The following NBPF26 variants were observed in gnomAD, a reference collection of about 807,000 sequenced individuals.
The protein encoded by NBPF26 is NBPF member 26, also known as NBPF family member NBPF26.
In NBPF26, 79 loss-of-function variants were observed where a neutral mutation model predicts 119.6. The observed-to-expected ratio is 0.66, with a 90% CI of 0.55 to 0.80. The LOEUF is 0.80. Among genes scored for constraint, NBPF26 ranks in the 30% least tolerant of loss-of-function variants. The pLI, the probability that NBPF26 is intolerant of heterozygous loss-of-function variation, is 0.00. For missense variants in NBPF26, 800 were observed against 1,198.2 expected (o/e 0.67, Z 4.91); for synonymous variants, 299 against 457.7 (o/e 0.65, Z 4.43).
In NBPF26 at chr1:120,759,702, T is replaced by A. The variant is rs1268071525; in HGVS notation, c.74-3926T>A. Among the ~76,000 whole-genome samples the A allele has an allele frequency of 1.1e-4, 12 of 112,198 alleles. 3 individuals carry two copies. Among genetic ancestry groups the A allele is most frequent in the African/African-American group, 5.5e-4 (10 of 18,214 alleles). The allele number at this position is 112,198 out of a possible 152,430, so 73.6% of individuals were successfully genotyped here. On this transcript the variant is annotated intron_variant, in intron 1 of 29. Transcript: ENST00000620612. ...AGTCTCAAGATTATTTTTCTTTTTT[T>A]AAAAATTAGAATTGTCAATTTATAG...
chr1:120,804,802 T>C lies in NBPF26; in HGVS notation c.752-754T>C, dbSNP rs1250428253. Among the ~76,000 whole-genome samples, 2 of 117,148 alleles carry C rather than the reference T, an allele frequency of 1.7e-5. 1 individual carries two copies. The highest frequency in any genetic ancestry group is 9.8e-5 in the African/African-American group (2 of 20,358). 76.9% of individuals were successfully genotyped at this position (117,148 alleles called of 152,430 possible). A position where few individuals can be genotyped will look rare whatever the true frequency, so the allele number is the denominator to read the frequency against. ...AAGAAAGAAGAAATCAATCTAACAA[T>C]GGGATGCAGCAGCAAGAATACTGAG... is the stretch of plus-strand genomic sequence containing the variant. On this transcript the variant is annotated intron_variant, in intron 4 of 29. Coordinates refer to ENST00000620612, the Ensembl canonical transcript of NBPF26.
rs1392863142 is a variant in NBPF26, at chr1:120,784,440, G to A, written c.156-534G>A. On this transcript the variant is annotated intron_variant, in intron 2 of 29. Transcript: ENST00000620612. Reference sequence around the variant, plus strand: ...GATATTCTTGCTGTTTCTCAAACACGCTAGGGCTGCTCTCTGTGTTATGGC... The same window carrying A: ...GATATTCTTGCTGTTTCTCAAACACACTAGGGCTGCTCTCTGTGTTATGGC... 2.0e-4 allele frequency among the ~76,000 whole-genome samples: 21 copies of A among 107,490 alleles called. 6 individuals are homozygous for A. Among genetic ancestry groups the A allele is most frequent in the African/African-American group, 2.4e-4 (4 of 16,458 alleles). 70.5% of individuals were successfully genotyped at this position (107,490 alleles called of 152,430 possible). A position where few individuals can be genotyped will look rare whatever the true frequency, so the allele number is the denominator to read the frequency against.
At chr1:120,814,591 A>T in intron 11 of NBPF26, among the ~76,000 whole-genome samples, 1 of 123,040 alleles carries the variant, frequency 8.1e-6, no homozygotes, top group East Asian at 2.0e-4. Flanking sequence ...TTTTGTTTAC[A>T]GAAGAGAAAG....
rs1241113636 is a variant in NBPF26, at chr1:120,754,783, C to T, written c.74-8845C>T. Among the ~76,000 whole-genome samples the T allele has an allele frequency of 3.4e-4, 39 of 115,570 alleles. 12 individuals carry two copies. The highest frequency in any genetic ancestry group is 1.8e-3 in the African/African-American group (36 of 19,812). The allele number at this position is 115,570 out of a possible 152,430, so 75.8% of individuals were successfully genotyped here. ...CTTCAAACAAATGGTAAGAAAGGAACTTTCAAAACTGTTTCAGTTTTGCAA... is the reference window on the plus strand; with the variant it reads ...CTTCAAACAAATGGTAAGAAAGGAATTTTCAAAACTGTTTCAGTTTTGCAA... On this transcript the variant is annotated intron_variant, in intron 1 of 29. Transcript: ENST00000620612.
In NBPF26 at chr1:120,811,989, A is replaced by G. The variant is rs1305526134; in HGVS notation, c.1668A>G (p.Lys556=). The G allele has an allele frequency of 1.7e-5, 21 of 1,254,570 alleles. 4 individuals are homozygous for G. Among genetic ancestry groups the G allele is most frequent in the South Asian group, 1.0e-4 (8 of 78,840 alleles). The allele number at this position is 1,254,570 out of a possible 1,614,324, so 77.7% of individuals were successfully genotyped here. A position where few individuals can be genotyped will look rare whatever the true frequency, so the allele number is the denominator to read the frequency against. Reference sequence around the variant, plus strand: ...TAAACATTCTAGAAATCAATGAGAAATTGCGCCCCCAGCTGGCAGAGAAGA... The same window carrying G: ...TAAACATTCTAGAAATCAATGAGAAGTTGCGCCCCCAGCTGGCAGAGAAGA... The change falls in exon 10 of 30, where the codon AAA becomes AAG. Residue 556 remains lysine (K), a synonymous_variant. Transcript: ENST00000620612.
chr1:120,780,170 A>G (rs1651347528), intron 2 of NBPF26, among the ~76,000 whole-genome samples: 1 of 111,554 alleles, frequency 9.0e-6, no homozygotes, highest in Non-Finnish European at 1.7e-5. Context: ...AACCTACACC[A>G]AGGGTTCAAG....
chr1:120,811,474 G>A lies in NBPF26; in HGVS notation c.1565-412G>A, dbSNP rs1334637846. On this transcript the variant is annotated intron_variant, in intron 9 of 29. Coordinates refer to ENST00000620612, the Ensembl canonical transcript of NBPF26. ...GGATGAGAATCACTTGAACCCGGGC[G>A]GCAGAGGTGGCAGTGAGCTGAGATT... Among the ~76,000 whole-genome samples, 7 of 111,954 alleles carry A rather than the reference G, an allele frequency of 6.3e-5. 2 individuals are homozygous for A. The highest frequency in any genetic ancestry group is 4.2e-4 in the East Asian group (2 of 4,734). 73.4% of individuals were successfully genotyped at this position (111,954 alleles called of 152,430 possible).
intron 14 of NBPF26, among the ~76,000 whole-genome samples, chr1:120,817,106 C>A (rs2101524785): frequency 8.5e-6 from 1 of 116,976 alleles, no homozygotes; most frequent in East Asian, 2.1e-4. Flanking sequence ...AGCTTCGATT[C>A]AATATCTCTT....
Position 120,816,831 on chromosome 1 carries a change from G to A in NBPF26, c.2371+4G>A, listed in dbSNP as rs1652018140. On this transcript the variant is annotated splice_donor_region_variant and intron_variant, in intron 14 of 29. Transcript: ENST00000620612. ...GATGCTGTACACATTATTCCAGGTA[G>A]CCTCTGTTTTCCTTGTGTCTCATAC... The A allele has an allele frequency of 6.9e-7, 1 of 1,448,046 alleles. No homozygotes were observed. The highest frequency in any genetic ancestry group is 9.2e-7 in the Non-Finnish European group (1 of 1,082,296). 89.7% of individuals were successfully genotyped at this position (1,448,046 alleles called of 1,614,324 possible). A position where few individuals can be genotyped will look rare whatever the true frequency, so the allele number is the denominator to read the frequency against.
In NBPF26 at chr1:120,765,062, A is replaced by G. The variant is rs1435901262; in HGVS notation, c.155+1353A>G. ...AAATATTTTAAGCTGTGATGACAGTAAAGCTTAACAATAGGTTGTTTGGAT... is the reference window on the plus strand; with the variant it reads ...AAATATTTTAAGCTGTGATGACAGTGAAGCTTAACAATAGGTTGTTTGGAT... On this transcript the variant is annotated intron_variant, in intron 2 of 29. Transcript: ENST00000620612. 7.8e-5 allele frequency among the ~76,000 whole-genome samples: 8 copies of G among 103,144 alleles called. 1 individual carries two copies. Among genetic ancestry groups the G allele is most frequent in the Admixed American group, 3.8e-4 (4 of 10,666 alleles). The allele number at this position is 103,144 out of a possible 152,430, so 67.7% of individuals were successfully genotyped here. A position where few individuals can be genotyped will look rare whatever the true frequency, so the allele number is the denominator to read the frequency against.
intron 4 of NBPF26, among the ~76,000 whole-genome samples, chr1:120,794,933 ATTTG>A (rs1316736619): frequency 4.1e-5 from 2 of 48,914 alleles, no homozygotes; most frequent in African/African-American, 5.2e-4. Context: ...TCACTCCTGT[ATTTG>A]TTTGCATTTT....
Position 120,805,426 on chromosome 1 carries a change from G to T in NBPF26, c.752-130G>T, listed in dbSNP as rs1651657058. 7 of 1,315,272 alleles carry T rather than the reference G, an allele frequency of 5.3e-6. 1 individual carries two copies. The South Asian group carries it at 6.6e-5, about 12-fold the overall frequency. 81.5% of individuals were successfully genotyped at this position (1,315,272 alleles called of 1,614,324 possible). ...TTGTGGTGAAGGATCCTAAAGTGCT[G>T]TGGGGAGTGATCACATTTTTCACAA... On this transcript the variant is annotated intron_variant, in intron 4 of 29. Transcript: ENST00000620612.
chr1:120,794,147 A>G (rs2101474192), intron 4 of NBPF26, among the ~76,000 whole-genome samples: 1 of 114,222 alleles, frequency 8.8e-6, no homozygotes, highest in East Asian at 2.1e-4. Context: ...ATGAGAGACT[A>G]TGTGTGGCAC....
intron 1 of NBPF26, among the ~76,000 whole-genome samples, chr1:120,734,329 G>T (rs1650892671): frequency 2.6e-5 from 1 of 38,448 alleles, no homozygotes; most frequent in Non-Finnish European, 4.3e-5. Flanking sequence ...ACCATATTTA[G>T]CATGAAGAGA....
chr1:120,793,691 A>G lies in NBPF26; in HGVS notation c.751+195A>G, dbSNP rs1274993146. ...TAAACTGAGCAGGGGATAATTTAGC[A>G]TGTCAGGGTTTATGATGATGAGTGG... On this transcript the variant is annotated intron_variant, in intron 4 of 29. Transcript: ENST00000620612. 2.1e-5 allele frequency: 13 copies of G among 622,676 alleles called. 2 individuals are homozygous for G. The highest frequency in any genetic ancestry group is 3.4e-5 in the Non-Finnish European group (12 of 351,400). The allele number at this position is 622,676 out of a possible 1,614,324, so 38.6% of individuals were successfully genotyped here. A position where few individuals can be genotyped will look rare whatever the true frequency, so the allele number is the denominator to read the frequency against.
At chr1:120,821,916 G>T (rs1315774005) in intron 15 of NBPF26, among the ~76,000 whole-genome samples, 188 bp from the exon 16 acceptor site, 1 of 122,224 alleles carries the variant, frequency 8.2e-6, no homozygotes, top group Non-Finnish European at 1.7e-5. Flanking sequence ...GCCCATTTTT[G>T]CTCTGTCCCC....
At chr1:120,793,624 G>A in intron 4 of NBPF26, 128 bp downstream of exon 4, 1 of 681,474 alleles carries the variant, frequency 1.5e-6, no homozygotes, top group Non-Finnish European at 2.4e-6. Context: ...TGTGGGGTGG[G>A]TTGCTAGTGA....
rs1235816054 is a variant in NBPF26 at position 120,811,129 on chromosome 1, T to C, written c.1564+571T>C. Among the ~76,000 whole-genome samples, 2 of 105,012 alleles carry C rather than the reference T, an allele frequency of 1.9e-5. 1 individual carries two copies. The highest frequency in any genetic ancestry group is 3.6e-5 in the Non-Finnish European group (2 of 55,386). 68.9% of individuals were successfully genotyped at this position (105,012 alleles called of 152,430 possible). On this transcript the variant is annotated intron_variant, in intron 9 of 29. Transcript: ENST00000620612. ...TGGGTGTGGTGGTGGGTGCCTGTAGTCCCAGCTACTCAGGAGGCTGAGGCA... is the reference window on the plus strand; with the variant it reads ...TGGGTGTGGTGGTGGGTGCCTGTAGCCCCAGCTACTCAGGAGGCTGAGGCA...
chr1:120,802,585 T>C lies in NBPF26; in HGVS notation c.752-2971T>C, dbSNP rs1651594814. Among the ~76,000 whole-genome samples the C allele has an allele frequency of 1.7e-5, 2 of 120,446 alleles. 1 individual carries two copies. The highest frequency in any genetic ancestry group is 9.0e-5 in the African/African-American group (2 of 22,112). The allele number at this position is 120,446 out of a possible 152,430, so 79.0% of individuals were successfully genotyped here. ...TTCAAATTCAAGCATGCTTTGAATA[T>C]AAATTAAGTTTACCTCTTTTTGCAC... On this transcript the variant is annotated intron_variant, in intron 4 of 29. Coordinates refer to ENST00000620612, the Ensembl canonical transcript of NBPF26.
Sources: allele counts gnomAD v4.1 joint callset (sites outside exome capture counted in the v4.1 genomes callset), GRCh38; gene constraint gnomAD v4.1.1; transcripts MANE v1.5; gene names NCBI Gene and HGNC (gene_info 2026-07-23, HGNC 2026-07-21).